The following TTN variants were observed in gnomAD, a reference collection of about 807,000 sequenced individuals.
TTN encodes the protein titin, also known as connectin.
A neutral mutation model predicts 3,223.0 loss-of-function variants in TTN; 1,525 were observed. The observed-to-expected ratio is 0.47, with a 90% CI of 0.45 to 0.49. The LOEUF (loss-of-function observed/expected upper bound fraction) is 0.49. Among genes scored for constraint, TTN ranks in the 20% least tolerant of loss-of-function variants. TTN has a pLI of 0.00. For synonymous variants in TTN, 14,094 were observed against 15,161.0 expected (o/e 0.93, Z 5.17); for missense variants, 40,786 against 43,424.0 (o/e 0.94, Z 5.40).
rs1399165116 is a variant in TTN at position 178,616,481 on chromosome 2, T to C, written c.48310A>G (p.Lys16104Glu). Reference protein sequence around the residue: ...KREVSRKTWTKVMDFVTDLEF... With the variant: ...KREVSRKTWTEVMDFVTDLEF... ...ATGCAGTGCTGCTCAAAACTCACTT[T>C]AGTCCATGTTTTCCGGCTGACTTCT... Residue 16104 changes from lysine to glutamate, a missense_variant and splice_region_variant, in exon 257 of 363, where the codon AAA (lysine) becomes GAA (glutamate). By Grantham distance (56) the Lys-to-Glu change is moderately conservative. Transcript: ENST00000589042. 3.1e-6 allele frequency: 5 copies of C among 1,612,042 alleles called. No individual in the cohort carries two copies. Among genetic ancestry groups the C allele is most frequent in the African/African-American group, 1.3e-5 (1 of 74,796 alleles).
In TTN at chr2:178,688,681, G is replaced by A. The variant is rs1002677056; in HGVS notation, c.32193C>T (p.His10731=). Reference sequence around the variant, plus strand: ...CCCTGACTTCCGATTATATACCTTCGTGCCGCGTGACTTCCACTCTTTGAG... The same window carrying A: ...CCCTGACTTCCGATTATATACCTTCATGCCGCGTGACTTCCACTCTTTGAG... The part of the protein sequence containing the change: ...AVPQRVEVTR[H]EVSAEEEWSY... The change falls in exon 126 of 363, where the codon CAC becomes CAT. Residue 10731 remains histidine (H), a synonymous_variant. Transcript: ENST00000589042. The A allele has an allele frequency of 2.5e-6, 4 of 1,610,414 alleles. No individual in the cohort carries two copies. The highest frequency in any genetic ancestry group is 1.3e-5 in the African/African-American group (1 of 74,794).
rs966575531 is a variant in TTN at position 178,605,567 on chromosome 2, C to G, written c.53728G>C (p.Glu17910Gln). The G allele has an allele frequency of 1.9e-6, 3 of 1,578,476 alleles. No homozygotes were observed. The highest frequency in any genetic ancestry group is 1.7e-6 in the Non-Finnish European group (2 of 1,159,596). Residue 17910 changes from glutamate (E) to glutamine (Q), a missense_variant, in exon 279 of 363, where the codon GAA (glutamate) becomes CAA (glutamine). Transcript: ENST00000589042. ...EKRRHDKPDF[E>Q]RVNKRLCPTT... ...GGGCAGAGTCGCTTGTTAACTCTTT[C>G]AAAGTCAGGTTTGTCATGACGCCGT...
At chr2:178,678,871 C>T in intron 142 of TTN, 41 bp from the exon 143 acceptor site, 8 of 1,525,198 alleles carry the variant, frequency 5.2e-6, no homozygotes, top group Non-Finnish European at 7.1e-6. Flanking sequence ...CATTTTTTAC[C>T]CATAGCTAAG....
At chr2:178,641,728 GAAGAC>G (rs908764461) in intron 219 of TTN, among the ~76,000 whole-genome samples, 55 of 151,946 alleles carry the variant, frequency 3.6e-4, no homozygotes, top group African/African-American at 1.1e-3. Flanking sequence ...AATTCTATGT[GAAGAC>G]AATGTTAGAA....
intron 266 of TTN, 24 bp from the exon 267 acceptor site, chr2:178,612,186 T>A: frequency 6.2e-7 from 1 of 1,605,568 alleles, no homozygotes; most frequent in Non-Finnish European, 8.5e-7. Flanking sequence ...AAACAATGAT[T>A]AGGAAAACCA....
chr2:178,688,853 A>T lies in TTN; in HGVS notation c.32096-75T>A. 4 of 1,261,946 alleles carry T rather than the reference A, an allele frequency of 3.2e-6. No homozygotes were observed. In the South Asian group the frequency reaches 3.8e-5, roughly 12 times the overall value. 78.2% of individuals were successfully genotyped at this position (1,261,946 alleles called of 1,614,324 possible). On this transcript the variant is annotated intron_variant, in intron 125 of 362. Coordinates refer to ENST00000589042, the MANE Select transcript of TTN (RefSeq NM_001267550.2). ...TCTCACTTTCTAGAATTTGGGGAAG[A>T]GTTGCACAGTACACCACTTTGACTA...
At chr2:178,805,852 G>T (rs1429075398) in intron 1 of TTN, among the ~76,000 whole-genome samples, 3 of 152,092 alleles carry the variant, frequency 2.0e-5, no homozygotes, top group Admixed American at 1.3e-4. Flanking sequence ...CAACATCAAA[G>T]AAACGAATAT....
Position 178,562,640 on chromosome 2 carries a change from T to G in TTN, c.83492A>C (p.Gln27831Pro), listed in dbSNP as rs758772714. ...TKTTFRIENL[Q>P]EGCSYYFRVL... ...TCGGAAGTAGTAAGAACATCCTTCT[T>G]GTAGATTTTCAATTCTGAAAGTAGT... Residue 27831 changes from glutamine (Q) to proline (P), a missense_variant, in exon 326 of 363, where the codon CAA becomes CCA. By Grantham distance (76) the Gln-to-Pro change is moderately conservative. Transcript: ENST00000589042. 3.1e-6 allele frequency: 5 copies of G among 1,602,934 alleles called. No individual in the cohort carries two copies. The highest frequency in any genetic ancestry group is 3.4e-6 in the Non-Finnish European group (4 of 1,176,328).
At position 178,751,755 on chromosome 2, in the gene TTN, G is replaced by A. The variant is rs201047740; in HGVS notation, c.11311+1369C>T. On this transcript the variant is annotated intron_variant, in intron 47 of 362. Coordinates refer to ENST00000589042, the MANE Select transcript of TTN (RefSeq NM_001267550.2). The stretch of plus-strand genomic sequence containing the variant: ...TCACTCTCAGCTTTTATAATCCGAC[G>A]AAGACCTGTTGGGATGGGCCGATTG... 1.2e-4 allele frequency: 190 copies of A among 1,612,964 alleles called. No individual in the cohort carries two copies. The highest frequency in any genetic ancestry group is 3.3e-4 in the Middle Eastern group (2 of 6,074).
chr2:178,730,855 T>G (rs1016190421), intron 60 of TTN, 63 bp from the exon 61 acceptor site: 9 of 1,529,564 alleles, frequency 5.9e-6, no homozygotes, highest in Admixed American at 2.2e-5. Flanking sequence ...TTTTTGTTTT[T>G]TTTTTTAAAT....
At position 178,563,147 on chromosome 2, in the gene TTN, C is replaced by T. The variant is rs1704305205; in HGVS notation, c.82985G>A (p.Gly27662Asp). The T allele has an allele frequency of 6.2e-7, 1 of 1,613,680 alleles. No individual in the cohort carries two copies. Among genetic ancestry groups the T allele is most frequent in the Non-Finnish European group, 8.5e-7 (1 of 1,179,716 alleles). Residue 27662 changes from glycine to aspartate, a missense_variant, in exon 326 of 363, where the codon GGC becomes GAC. Coordinates refer to ENST00000589042, the MANE Select transcript of TTN (RefSeq NM_001267550.2). This position sits in a 1 kb window ranked among gnomAD's most constrained non-coding sequence, Gnocchi z 4.5. The stretch of plus-strand genomic sequence containing the variant: ...TATCCTCTCCTGAGCAACCACTGAG[C>T]CAGGTAGAGTTGCAGGTTCACCTAC... Reference protein sequence around the residue: ...EGVGEPATLPGSVVAQERIEP... With the variant: ...EGVGEPATLPDSVVAQERIEP...
rs576782922 is a variant in TTN at position 178,583,295 on chromosome 2, G to T, written c.65576-68C>A. 13 of 1,338,004 alleles carry T rather than the reference G, an allele frequency of 9.7e-6. No individual in the cohort carries two copies. The South Asian group carries it at 2.6e-4, about 27-fold the overall frequency. 82.9% of individuals were successfully genotyped at this position (1,338,004 alleles called of 1,614,324 possible). ...TATTATGTAATCCTTATTAATAATAGTGGGAAATTCATATGCTGCTTCTTT... is the reference window on the plus strand; with the variant it reads ...TATTATGTAATCCTTATTAATAATATTGGGAAATTCATATGCTGCTTCTTT... On this transcript the variant is annotated intron_variant, in intron 312 of 362. Transcript: ENST00000589042.
chr2:178,753,272 T>C, intron 46 of TTN, 92 bp from the exon 47 acceptor site: 4 of 1,060,954 alleles, frequency 3.8e-6, no homozygotes, highest in Non-Finnish European at 5.6e-6. Flanking sequence ...AGTTTTCTTT[T>C]TATTATAACA....
Position 178,541,553 on chromosome 2 carries a change from T to G in TTN, c.97524A>C (p.Ile32508=), listed in dbSNP as rs755848026. 11 of 1,611,780 alleles carry G rather than the reference T, an allele frequency of 6.8e-6. No individual in the cohort carries two copies. The highest frequency in any genetic ancestry group is 1.1e-5 in the South Asian group (1 of 90,692). Residue 32508 remains isoleucine (I), a synonymous_variant, in exon 350 of 363, where the codon ATA becomes ATC. Coordinates refer to ENST00000589042, the MANE Select transcript of TTN (RefSeq NM_001267550.2). ...TCATGCCATCACGGGAAACATCAAA[T>G]ATCTGTAATGTTTCTGGGGGTCCAG... ...RIPGPPETLQ[I]FDVSRDGMTL...
In TTN at chr2:178,712,184, C is replaced by A. The variant is rs2076754022; in HGVS notation, c.27646G>T (p.Val9216Leu). ...YFVKQLEPVKVSVGDSASLQC... is the reference protein window; with the variant it reads ...YFVKQLEPVKLSVGDSASLQC... The stretch of plus-strand genomic sequence containing the variant: ...AGAGAGGCAGAATCTCCAACAGACA[C>A]CTTAACCGGCTCCAACTGCTTGACA... Residue 9216 changes from valine (V) to leucine (L), a missense_variant, in exon 96 of 363, where the codon GTG (valine) becomes TTG (leucine). By Grantham distance (32) the Val-to-Leu change is conservative. Coordinates refer to ENST00000589042, the MANE Select transcript of TTN (RefSeq NM_001267550.2). 6.2e-7 allele frequency: 1 copy of A among 1,613,672 alleles called. No homozygotes were observed. The highest frequency in any genetic ancestry group is 8.5e-7 in the Non-Finnish European group (1 of 1,179,718).
intron 100 of TTN, 85 bp downstream of exon 100, chr2:178,707,441 T>G: frequency 7.0e-7 from 1 of 1,427,900 alleles, no homozygotes; most frequent in Non-Finnish European, 9.3e-7. Flanking sequence ...AAAAATCTAA[T>G]TCCATTTCTA....
At position 178,587,818 on chromosome 2, in the gene TTN, G is replaced by A; in HGVS notation, c.63509-18C>T. 2.5e-6 allele frequency: 4 copies of A among 1,573,612 alleles called. No homozygotes were observed. Among genetic ancestry groups the A allele is most frequent in the South Asian group, 1.2e-5 (1 of 83,746 alleles). On this transcript the variant is annotated intron_variant, in intron 305 of 362. Coordinates refer to ENST00000589042, the MANE Select transcript of TTN (RefSeq NM_001267550.2). ...CGGAGGTTCTGCAAATGACATTAAG[G>A]TCATTAATTGATTTTTCAGAATGTG...
At position 178,551,175 on chromosome 2, in the gene TTN, A is replaced by G; in HGVS notation, c.91356T>C (p.Ser30452=). ...KWNPPLRDGG[S]KIVGYSIEKR... is the part of the protein sequence containing the mutation. ...TCTCAATGCTATAGCCCACAATCTT[A>G]CTGCCTCCATCACGCAATGGTGGGT... The change falls in exon 336 of 363, where the codon AGT becomes AGC. Residue 30452 remains serine, a synonymous_variant. Transcript: ENST00000589042. The G allele has an allele frequency of 6.2e-7, 1 of 1,613,434 alleles. No individual in the cohort carries two copies. Among genetic ancestry groups the G allele is most frequent in the Non-Finnish European group, 8.5e-7 (1 of 1,179,652 alleles).
intron 142 of TTN, 83 bp downstream of exon 142, chr2:178,679,256 G>C: frequency 1.4e-6 from 2 of 1,421,958 alleles, no homozygotes; most frequent in South Asian, 2.4e-5. Context: ...TATTGTCATG[G>C]GGAAAGATCT....
Sources: gnomAD v4.1 joint callset for allele counts (sites outside exome capture counted in the v4.1 genomes callset) on GRCh38, gnomAD v4.1.1 for gene constraint, Gnocchi (gnomAD v3.1) non-coding constraint, MANE v1.5 for transcripts, NCBI Gene and HGNC (gene_info 2026-07-23, HGNC 2026-07-21) for gene names.